The following CMC1 variants were observed in gnomAD, a reference collection of about 807,000 sequenced individuals.
The protein encoded by CMC1 is C-X9-C motif containing 1, also known as COX assembly mitochondrial protein homolog.
In CMC1, 14 loss-of-function variants were observed where a neutral mutation model predicts 14.1. The ratio of observed to expected loss-of-function variants is 0.99; its 90% confidence interval spans 0.66 to 1.55. CMC1 has a LOEUF of 1.55. Ranked by LOEUF, CMC1 falls within the 40% of genes most tolerant of loss-of-function variation. CMC1 has a pLI of 0.00. For missense variants in CMC1, 127 were observed against 123.8 expected, an observed-to-expected ratio of 1.03 and a Z score of -0.12; for synonymous variants, 50 against 38.4, an observed-to-expected ratio of 1.30 and a Z score of -1.12.
chr3:28,256,686 A>G (rs1699428325), intron 1 of CMC1, among the ~76,000 whole-genome samples: 2 of 152,216 alleles, frequency 1.3e-5, no homozygotes, highest in African/African-American at 4.8e-5. Flanking sequence ...CACCAAAACA[A>G]TGCAAAGATA....
At chr3:28,261,009 T>C (rs1430940273) in intron 1 of CMC1, among the ~76,000 whole-genome samples, 3 of 152,202 alleles carry the variant, frequency 2.0e-5, no homozygotes. Flanking sequence ...AGCCAGATTG[T>C]GGTTTATCTT....
intron 1 of CMC1, 165 bp downstream of exon 1, chr3:28,241,977 ATCT>A: frequency 1.8e-6 from 1 of 558,122 alleles, no homozygotes; most frequent in Non-Finnish European, 2.7e-6. Context: ...GTCTGAGGTC[ATCT>A]TCTCACTTGT....
rs1700451640 is a variant in CMC1, at chr3:28,274,213, T to TTTTG, written c.109+10836_109+10837insGTTT. Among the ~76,000 whole-genome samples the TTTTG allele has an allele frequency of 4.9e-5, 5 of 101,228 alleles. 1 individual carries two copies. Among genetic ancestry groups the TTTTG allele is most frequent in the Non-Finnish European group, 1.1e-4 (5 of 46,932 alleles). 66.4% of individuals were successfully genotyped at this position (101,228 alleles called of 152,430 possible). The stretch of plus-strand genomic sequence containing the variant: ...TGGTCTTTGTACTAAAGTGTTTTTG[T>TTTTG]TTTTTTCTTTTTTTTTTTTTTTGCA... On this transcript the variant is annotated intron_variant, in intron 2 of 3. Coordinates refer to ENST00000466830, the MANE Select transcript of CMC1 (RefSeq NM_182523.2).
chr3:28,272,726 C>T (rs1700359690), intron 2 of CMC1, among the ~76,000 whole-genome samples: 1 of 151,506 alleles, frequency 6.6e-6, no homozygotes, highest in Non-Finnish European at 1.5e-5. Context: ...CACTGTCACC[C>T]AGGCTGGAGT....
At chr3:28,271,857 G>A (rs1255786931) in intron 2 of CMC1, among the ~76,000 whole-genome samples, 4 of 152,168 alleles carry the variant, frequency 2.6e-5, no homozygotes, top group African/African-American at 7.2e-5. Context: ...TCCTATCCAT[G>A]AGCATGGAAT....
chr3:28,309,200 C>T (rs931052416), intron 2 of CMC1, among the ~76,000 whole-genome samples: 1 of 151,984 alleles, frequency 6.6e-6, no homozygotes, highest in African/African-American at 2.4e-5. Flanking sequence ...TGTTAAGTTA[C>T]TACTATCAAA....
intron 2 of CMC1, among the ~76,000 whole-genome samples, chr3:28,298,839 T>G (rs1465380760): frequency 6.6e-6 from 1 of 152,048 alleles, no homozygotes. Flanking sequence ...GTTCTGTTTT[T>G]TTTCTGGGAA....
chr3:28,264,069 G>C (rs1699882349), intron 2 of CMC1, among the ~76,000 whole-genome samples: 1 of 152,158 alleles, frequency 6.6e-6, no homozygotes, highest in Non-Finnish European at 1.5e-5. Context: ...TGAGTTATTA[G>C]AAAAGCACAT....
At chr3:28,248,554 G>C (rs1698947710) in intron 1 of CMC1, among the ~76,000 whole-genome samples, 1 of 152,096 alleles carries the variant, frequency 6.6e-6, no homozygotes, top group African/African-American at 2.4e-5. Context: ...GGTCTCAAGG[G>C]GTTCTTGACT....
intron 2 of CMC1, among the ~76,000 whole-genome samples, chr3:28,305,659 C>T (rs1358143117): frequency 6.6e-6 from 1 of 151,948 alleles, no homozygotes; most frequent in Admixed American, 6.6e-5. Flanking sequence ...TTTTGCAGGG[C>T]AGAAGCTCTT....
chr3:28,259,231 A>G (rs1269166373), intron 1 of CMC1, among the ~76,000 whole-genome samples: 1 of 152,026 alleles, frequency 6.6e-6, no homozygotes, highest in Non-Finnish European at 1.5e-5. Context: ...TAATGATGCT[A>G]TCTTACATAA....
intron 2 of CMC1, among the ~76,000 whole-genome samples, chr3:28,310,874 C>G (rs1196985986): frequency 1.3e-5 from 2 of 152,140 alleles, no homozygotes; most frequent in Non-Finnish European, 2.9e-5. Context: ...AAGGAGTGTG[C>G]AGCCTAGATC....
intron 2 of CMC1, among the ~76,000 whole-genome samples, chr3:28,267,349 A>G (rs1700059026): frequency 6.6e-6 from 1 of 152,134 alleles, no homozygotes; most frequent in Non-Finnish European, 1.5e-5. Context: ...TCTATATTGG[A>G]TAATGACGTT....
intron 1 of CMC1, among the ~76,000 whole-genome samples, chr3:28,244,885 AG>A (rs1308495318): frequency 1.7e-4 from 23 of 139,050 alleles, no homozygotes; most frequent in African/African-American, 6.3e-4. Context: ...GCAAGTAGGA[AG>A]GTTTTTTTTT....
chr3:28,259,433 T>C (rs1240881841), intron 1 of CMC1, among the ~76,000 whole-genome samples: 1 of 152,056 alleles, frequency 6.6e-6, no homozygotes, highest in Non-Finnish European at 1.5e-5. Context: ...CAAAAAAGGG[T>C]CCTTTTAGGG....
intron 2 of CMC1, among the ~76,000 whole-genome samples, chr3:28,289,017 A>C (rs892900960): frequency 6.6e-6 from 1 of 151,514 alleles, no homozygotes; most frequent in Non-Finnish European, 1.5e-5. Context: ...ACATATTTCC[A>C]ATCAGGTCTA....
chr3:28,320,487 A>G lies in CMC1; in HGVS notation c.*858A>G. ...ATCCATTCACGAGGGCTCCAGCCTC[A>G]TCACCCTATTACCTCTTAAAGGCTC... On this transcript the variant is annotated 3_prime_UTR_variant, in exon 4 of 4. Coordinates refer to ENST00000466830, the MANE Select transcript of CMC1 (RefSeq NM_182523.2). 1 of 151,556 alleles carries G rather than the reference A, an allele frequency of 6.6e-6. No individual in the cohort carries two copies. Among genetic ancestry groups the G allele is most frequent in the Non-Finnish European group, 1.5e-5 (1 of 67,648 alleles). 9.4% of individuals were successfully genotyped at this position (151,556 alleles called of 1,614,324 possible).
chr3:28,258,019 G>A (rs991896054), intron 1 of CMC1, among the ~76,000 whole-genome samples: 1 of 145,936 alleles, frequency 6.9e-6, no homozygotes, highest in Non-Finnish European at 1.5e-5. Context: ...TGATATAAGG[G>A]GTTTCATTTG....
intron 2 of CMC1, among the ~76,000 whole-genome samples, chr3:28,288,618 G>C (rs1010060861): frequency 6.6e-6 from 1 of 151,752 alleles, no homozygotes; most frequent in Non-Finnish European, 1.5e-5. Flanking sequence ...ACTGTGTGTT[G>C]GAATATTAAA....
Sources: allele counts gnomAD v4.1 joint callset (sites outside exome capture counted in the v4.1 genomes callset), GRCh38; gene constraint gnomAD v4.1.1; transcripts MANE v1.5; gene names NCBI Gene and HGNC (gene_info 2026-07-23, HGNC 2026-07-21).